The following SPIDR variants were observed in gnomAD, a reference collection of about 807,000 sequenced individuals.
SPIDR encodes the protein DNA repair-scaffolding protein.
In SPIDR, 93 loss-of-function variants were observed where a neutral mutation model predicts 104.6. The observed-to-expected ratio is 0.89, with a 90% confidence interval of 0.75 to 1.06. The LOEUF (loss-of-function observed/expected upper bound fraction) is 1.06, where lower values mean the gene tolerates loss of function less well. Ranked by LOEUF, SPIDR falls within the 50% of genes least tolerant of loss-of-function variation. SPIDR has a pLI of 0.00. For synonymous variants in SPIDR, 431 were observed against 416.9 expected (o/e 1.03, Z -0.41); for missense variants, 1,154 against 1,111.2 (o/e 1.04, Z -0.55).
At chr8:47,388,856 CT>C (rs782633507) in intron 5 of SPIDR, among the ~76,000 whole-genome samples, 53 of 152,300 alleles carry the variant, frequency 3.5e-4, no homozygotes, top group Non-Finnish European at 6.9e-4. Flanking sequence ...GTATTGAATA[CT>C]TTATGGTTTT....
intron 7 of SPIDR, among the ~76,000 whole-genome samples, chr8:47,438,999 C>T (rs1297857828): frequency 6.6e-6 from 1 of 152,186 alleles, no homozygotes; most frequent in Non-Finnish European, 1.5e-5. Flanking sequence ...TAGTGAGTAT[C>T]TGTTATTAAC....
intron 7 of SPIDR, among the ~76,000 whole-genome samples, chr8:47,416,869 C>T (rs551819613): frequency 9.3e-5 from 14 of 151,240 alleles, no homozygotes; most frequent in African/African-American, 2.9e-4. Flanking sequence ...AGTGAGAACA[C>T]GCGGTGTTTG....
intron 8 of SPIDR, among the ~76,000 whole-genome samples, chr8:47,493,151 T>G (rs2079005561): frequency 6.6e-6 from 1 of 152,128 alleles, no homozygotes; most frequent in South Asian, 2.1e-4. Context: ...TTGTTCTATC[T>G]TTCTGCTTTG....
chr8:47,705,227 G>C (rs2080910695), intron 14 of SPIDR, among the ~76,000 whole-genome samples: 1 of 152,204 alleles, frequency 6.6e-6, no homozygotes, highest in Admixed American at 6.5e-5. Context: ...CCTGTGAAGG[G>C]GTCCTCCCTC....
At chr8:47,287,909 G>A (rs1202317543) in intron 3 of SPIDR, among the ~76,000 whole-genome samples, 2 of 152,132 alleles carry the variant, frequency 1.3e-5, no homozygotes, top group African/African-American at 4.8e-5. Flanking sequence ...AATTATAAAA[G>A]TATTATTTGG....
intron 5 of SPIDR, among the ~76,000 whole-genome samples, chr8:47,375,416 A>G (rs1281453791): frequency 6.6e-6 from 1 of 151,310 alleles, no homozygotes; most frequent in South Asian, 2.1e-4. Context: ...TAATTTTTGT[A>G]TTTTTAGTAG....
intron 8 of SPIDR, among the ~76,000 whole-genome samples, chr8:47,477,205 A>ATT (rs558143785): frequency 3.4e-5 from 5 of 147,768 alleles, no homozygotes; most frequent in African/African-American, 1.2e-4. Context: ...TGCGCAATAT[A>ATT]TTTTTTTTTT....
intron 8 of SPIDR, among the ~76,000 whole-genome samples, chr8:47,489,058 A>G (rs2078204283): frequency 6.6e-6 from 1 of 152,220 alleles, no homozygotes; most frequent in Non-Finnish European, 1.5e-5. Flanking sequence ...GAGGAAGTCA[A>G]ATTGTCCCTG....
intron 3 of SPIDR, among the ~76,000 whole-genome samples, chr8:47,286,007 A>T (rs1586349913): frequency 1.3e-5 from 2 of 152,318 alleles, no homozygotes; most frequent in Admixed American, 1.3e-4. Flanking sequence ...AATTCCTGGT[A>T]GTGATTTTAA....
chr8:47,339,328 A>G (rs1554612094), intron 5 of SPIDR, among the ~76,000 whole-genome samples: 2 of 152,190 alleles, frequency 1.3e-5, no homozygotes, highest in East Asian at 1.9e-4. Context: ...CTATTTTTCT[A>G]TGGAGAACTA....
rs2451388 is a variant in SPIDR, at chr8:47,627,077, C to A, written c.1544+27881C>A. ...GCAGCCATAAAAAATGATGAGTTCA[C>A]GTCCTTTGTAGGGACATGGATGAAG... On this transcript the variant is annotated intron_variant, in intron 10 of 19. Coordinates refer to ENST00000297423, the MANE Select transcript of SPIDR (RefSeq NM_001080394.4). Among the ~76,000 whole-genome samples the A allele has an allele frequency of 6.8e-3, 1,041 of 152,230 alleles. 11 individuals are homozygous for A. The highest frequency in any genetic ancestry group is 0.024 in the African/African-American group (980 of 41,536).
chr8:47,497,485 T>G (rs373657390), intron 8 of SPIDR, among the ~76,000 whole-genome samples: 11 of 152,200 alleles, frequency 7.2e-5, no homozygotes, highest in African/African-American at 2.2e-4. Flanking sequence ...GGTGTGTCAT[T>G]TAAGTTCCAC....
intron 8 of SPIDR, among the ~76,000 whole-genome samples, chr8:47,504,467 C>T (rs2081148973): frequency 6.6e-6 from 1 of 152,136 alleles, no homozygotes; most frequent in Non-Finnish European, 1.5e-5. Context: ...AGTTCTCGTG[C>T]CTTGGTTTTC....
At chr8:47,734,633 T>G (rs2085869093) in intron 19 of SPIDR, among the ~76,000 whole-genome samples, 1 of 151,048 alleles carries the variant, frequency 6.6e-6, no homozygotes, top group Admixed American at 6.6e-5. Context: ...AATATCTCAG[T>G]GCTTCTGAGC....
intron 5 of SPIDR, among the ~76,000 whole-genome samples, chr8:47,349,053 C>G (rs533790976): frequency 6.6e-6 from 1 of 152,334 alleles, no homozygotes; most frequent in East Asian, 1.9e-4. Context: ...GAATTTTCAG[C>G]TTTTCTGCTC....
In SPIDR at chr8:47,373,623, C is replaced by A. The variant is rs142786106; in HGVS notation, c.526-22753C>A. Among the ~76,000 whole-genome samples, 12 of 151,952 alleles carry A rather than the reference C, an allele frequency of 7.9e-5. No homozygotes were observed. The East Asian group carries it at 2.3e-3, about 29-fold the overall frequency. On this transcript the variant is annotated intron_variant, in intron 5 of 19. Coordinates refer to ENST00000297423, the MANE Select transcript of SPIDR (RefSeq NM_001080394.4). ...TGTGGGTGTGAAGTATATGCTCTAG[C>A]CATATTGCTTCGGTGATTTTCAGTA...
chr8:47,396,960 T>G (rs1163859084), intron 6 of SPIDR, among the ~76,000 whole-genome samples: 2 of 152,120 alleles, frequency 1.3e-5, no homozygotes, highest in African/African-American at 4.8e-5. Context: ...AGATTACTTT[T>G]ATGAGAGAGA....
chr8:47,620,161 GA>G (rs2154434416), intron 10 of SPIDR, among the ~76,000 whole-genome samples: 2 of 152,202 alleles, frequency 1.3e-5, no homozygotes, highest in East Asian at 3.9e-4. Context: ...AAGACATTTT[GA>G]AAGACAAAGT....
At chr8:47,322,367 G>T (rs2046822133) in intron 5 of SPIDR, among the ~76,000 whole-genome samples, 1 of 152,188 alleles carries the variant, frequency 6.6e-6, no homozygotes, top group South Asian at 2.1e-4. Flanking sequence ...TCAGAGAAAT[G>T]CAAATCGAAA....
Sources: allele counts gnomAD v4.1 joint callset (sites outside exome capture counted in the v4.1 genomes callset), GRCh38; gene constraint gnomAD v4.1.1; transcripts MANE v1.5; gene names NCBI Gene and HGNC (gene_info 2026-07-23, HGNC 2026-07-21).